The following HRG variants were observed in gnomAD, a reference collection of about 807,000 sequenced individuals.
HRG encodes histidine rich glycoprotein, also known as histidine-rich glycoprotein.
HRG carries 26 observed loss-of-function variants against 29.5 expected under a neutral mutation model. The observed-to-expected ratio is 0.88, with a 90% confidence interval of 0.65 to 1.22. The LOEUF is 1.22. Among genes scored for constraint, HRG ranks in the 50% most tolerant of loss-of-function variants. The pLI is 0.00. For missense variants in HRG, 671 were observed against 654.5 expected (o/e 1.03, Z -0.28); for synonymous variants, 243 against 240.4 (o/e 1.01, Z -0.10).
intron 1 of HRG, among the ~76,000 whole-genome samples, chr3:186,666,515 A>C (rs1263093220): frequency 1.3e-5 from 2 of 152,218 alleles, no homozygotes; most frequent in African/African-American, 4.8e-5. Context: ...AGGAAATAAT[A>C]ATACACTGGC....
intron 4 of HRG, among the ~76,000 whole-genome samples, chr3:186,672,434 A>C (rs1279782004): frequency 6.6e-6 from 1 of 152,226 alleles, no homozygotes; most frequent in East Asian, 1.9e-4. Context: ...TTTATATGAA[A>C]CACTTAGATC....
Position 186,670,024 on chromosome 3 carries a change from T to C in HRG, c.387T>C (p.Ser129=). ...LRVIDFNCTT[S]SVSSALANTK... is the part of the protein sequence containing the mutation. ...TGATTGACTTTAACTGCACCACAAG[T>C]TCTGGTATGGTAATCTGTTAAATTG... Residue 129 remains serine (S), a synonymous_variant, in exon 3 of 7, where the codon AGT becomes AGC. Transcript: ENST00000232003. 6.6e-7 allele frequency: 1 copy of C among 1,505,778 alleles called. No homozygotes were observed. The highest frequency in any genetic ancestry group is 2.3e-5 in the East Asian group (1 of 44,400). 93.3% of individuals were successfully genotyped at this position (1,505,778 alleles called of 1,614,324 possible).
intron 6 of HRG, among the ~76,000 whole-genome samples, 191 bp downstream of exon 6, chr3:186,675,381 GAC>G (rs1718950393): frequency 2.0e-5 from 3 of 152,138 alleles, no homozygotes; most frequent in African/African-American, 4.8e-5. Flanking sequence ...GAAAGAGAGA[GAC>G]AGACAGACAT....
In HRG at chr3:186,671,531, T is replaced by A. The variant is rs1345757448; in HGVS notation, c.392-92T>A. 3.0e-6 allele frequency: 4 copies of A among 1,340,000 alleles called. No individual in the cohort carries two copies. The African/African-American group carries it at 5.8e-5, about 19-fold the overall frequency. 83.0% of individuals were successfully genotyped at this position (1,340,000 alleles called of 1,614,324 possible). A position where few individuals can be genotyped will look rare whatever the true frequency, so the allele number is the denominator to read the frequency against. On this transcript the variant is annotated intron_variant, in intron 3 of 6. Coordinates refer to ENST00000232003, the MANE Select transcript of HRG (RefSeq NM_000412.5). ...GCTCTTCCCACCCTCAATTTGCCCA[T>A]CCTTAAAATGAAAGTTATTGTCATT... is the stretch of plus-strand genomic sequence containing the variant.
rs1342079377 is a variant in HRG, at chr3:186,677,096, A to G, written c.791A>G (p.His264Arg). 1.9e-6 allele frequency: 3 copies of G among 1,613,964 alleles called. No homozygotes were observed. The highest frequency in any genetic ancestry group is 1.7e-6 in the Non-Finnish European group (2 of 1,179,950). The change falls in exon 7 of 7, where the codon CAC (histidine) becomes CGC (arginine). Residue 264 changes from histidine (H) to arginine (R), a missense_variant. Transcript: ENST00000232003. ...GVPPHLGHPF[H>R]WGGHERSSTT... Reference sequence around the variant, plus strand: ...CCGCCTCATTTGGGACATCCCTTCCACTGGGGTGGGCATGAGCGTTCTTCT... The same window carrying G: ...CCGCCTCATTTGGGACATCCCTTCCGCTGGGGTGGGCATGAGCGTTCTTCT...
rs756429024 is a variant in HRG, at chr3:186,677,696, T to C, written c.1391T>C (p.Leu464Pro). ...QIGSVYRLPP[L>P]RKGEVLPLPE... ...GGATCTGTGTACCGACTCCCTCCTC[T>C]AAGAAAAGGTGAGGTGCTGCCACTT... Residue 464 changes from leucine (L) to proline (P), a missense_variant, in exon 7 of 7, where the codon CTA (leucine) becomes CCA (proline). Physicochemically the swap from Leu to Pro is moderately conservative, Grantham distance 98. Coordinates refer to ENST00000232003, the MANE Select transcript of HRG (RefSeq NM_000412.5). The C allele has an allele frequency of 8.1e-6, 13 of 1,612,142 alleles. 1 individual carries two copies. The South Asian group carries it at 1.1e-4, about 14-fold the overall frequency.
chr3:186,670,006 CTT>C lies in HRG; in HGVS notation c.371_372del (p.Phe124Ter), dbSNP rs1212149088. ...AATCTCAGGACCTCAGAGTGATTGACTTTAACTGCACCACAAGTTCTGGTATG... is the reference window on the plus strand; with the variant it reads ...AATCTCAGGACCTCAGAGTGATTGACTAACTGCACCACAAGTTCTGGTATG... ...HESQDLRVID[F>X]NCTTSSVSSA... On this transcript the variant is annotated frameshift_variant, in exon 3 of 7. Transcript: ENST00000232003. LOFTEE classifies it high-confidence loss of function. The C allele has an allele frequency of 2.5e-6, 4 of 1,574,776 alleles. No individual in the cohort carries two copies. The East Asian group carries it at 6.7e-5, about 26-fold the overall frequency.
chr3:186,677,405 A>T lies in HRG; in HGVS notation c.1100A>T (p.His367Leu). The T allele has an allele frequency of 6.2e-7, 1 of 1,609,878 alleles. No individual in the cohort carries two copies. Among genetic ancestry groups the T allele is most frequent in the Non-Finnish European group, 8.5e-7 (1 of 1,177,966 alleles). ...HEQHPHGHHP[H>L]AHHPHEHDTH... ...CAGCATCCCCACGGACACCATCCCC[A>T]TGCACACCATCCTCATGAACATGAT... is the stretch of plus-strand genomic sequence containing the variant. Residue 367 changes from histidine to leucine, a missense_variant, in exon 7 of 7, where the codon CAT (histidine) becomes CTT (leucine). By Grantham distance (99) the His-to-Leu change is moderately conservative. Transcript: ENST00000232003.
intron 1 of HRG, among the ~76,000 whole-genome samples, 184 bp downstream of exon 1, chr3:186,666,398 G>A (rs11708008): frequency 0.065 from 9,828 of 152,134 alleles, 395 homozygotes; most frequent in Middle Eastern, 0.12. Flanking sequence ...TAGTGTACCC[G>A]CAACTATGAT....
chr3:186,667,471 T>G (rs935509463), intron 1 of HRG, among the ~76,000 whole-genome samples: 1 of 152,010 alleles, frequency 6.6e-6, no homozygotes, highest in Admixed American at 6.6e-5. Flanking sequence ...TTTCTTCAGT[T>G]CAAAGGACTC....
chr3:186,668,891 A>G, intron 1 of HRG, 44 bp from the exon 2 acceptor site: 2 of 1,015,700 alleles, frequency 2.0e-6, no homozygotes, highest in Non-Finnish European at 3.1e-6. Flanking sequence ...AAAACCCGCT[A>G]GGTTTCCATG....
At chr3:186,668,913 T>C in intron 1 of HRG, 22 bp from the exon 2 acceptor site, 1 of 1,307,070 alleles carries the variant, frequency 7.7e-7, no homozygotes, top group Non-Finnish European at 1.1e-6. Context: ...GCTACTCACA[T>C]GTTGCTTTTG....
intron 6 of HRG, among the ~76,000 whole-genome samples, chr3:186,676,207 G>GAA (rs1231469508): frequency 6.6e-6 from 1 of 151,966 alleles, no homozygotes; most frequent in Non-Finnish European, 1.5e-5. Flanking sequence ...TCTGAACAAG[G>GAA]AAGAGAGAGA....
chr3:186,667,734 G>A (rs1420741517), intron 1 of HRG, among the ~76,000 whole-genome samples: 2 of 152,110 alleles, frequency 1.3e-5, no homozygotes, highest in Non-Finnish European at 2.9e-5. Context: ...GTGTTAGGGA[G>A]CCATTGAATA....
chr3:186,668,395 A>G (rs762357513), intron 1 of HRG, among the ~76,000 whole-genome samples: 5 of 152,336 alleles, frequency 3.3e-5, no homozygotes, highest in Non-Finnish European at 7.4e-5. Flanking sequence ...AAGCAAGGAC[A>G]AGGAAAACAT....
chr3:186,671,769 A>G lies in HRG; in HGVS notation c.538A>G (p.Ile180Val). ...CTTTGCCTCTTTCAGAGTGGACCGA[A>G]TCGAGAGAGTTGCAAGAGTGGTGAG... ...DDFASFRVDR[I>V]ERVARVRGGE... The change falls in exon 4 of 7, where the codon ATC becomes GTC. Residue 180 changes from isoleucine (I) to valine (V), a missense_variant. Transcript: ENST00000232003. 6.2e-7 allele frequency: 1 copy of G among 1,613,898 alleles called. No homozygotes were observed. The highest frequency in any genetic ancestry group is 1.3e-5 in the African/African-American group (1 of 75,014).
chr3:186,676,321 G>T (rs1718987773), intron 6 of HRG, among the ~76,000 whole-genome samples: 2 of 152,142 alleles, frequency 1.3e-5, no homozygotes, highest in Non-Finnish European at 1.5e-5. Context: ...TTGGTCTACA[G>T]ATGGGTGCCA....
chr3:186,666,249 G>T, intron 1 of HRG, 35 bp downstream of exon 1: 2 of 1,606,220 alleles, frequency 1.2e-6, no homozygotes, highest in Non-Finnish European at 1.7e-6. Context: ...TGAGTTGGGA[G>T]ATTACTCACG....
chr3:186,671,102 C>T (rs1321316878), intron 3 of HRG, among the ~76,000 whole-genome samples: 1 of 150,944 alleles, frequency 6.6e-6, no homozygotes, highest in African/African-American at 2.4e-5. Context: ...ATCTATAATC[C>T]CAGCACTTTG....
Sources: allele counts gnomAD v4.1 joint callset (sites outside exome capture counted in the v4.1 genomes callset), GRCh38; gene constraint gnomAD v4.1.1; transcripts MANE v1.5; gene names NCBI Gene and HGNC (gene_info 2026-07-23, HGNC 2026-07-21).